Variants in FBXL4 observed in about 807,000 individuals in gnomAD.
FBXL4 encodes F-box/LRR-repeat protein 4.
In FBXL4, 40 loss-of-function variants were observed where a neutral mutation model predicts 58.9. That is an observed-to-expected ratio of 0.68 (90% CI 0.53 to 0.88). The LOEUF (loss-of-function observed/expected upper bound fraction) is 0.88. Ranked by LOEUF, FBXL4 falls within the 40% of genes least tolerant of loss-of-function variation. The probability of loss-of-function intolerance (pLI) is 0.00; values close to 1 mark genes in which losing one functional copy is unlikely to be tolerated. For synonymous variants in FBXL4, 263 were observed against 265.5 expected (o/e 0.99, Z 0.09); for missense variants, 676 against 734.4 (o/e 0.92, Z 0.92).
chr6:98,935,040 C>T (rs1773155321), intron 1 of FBXL4, among the ~76,000 whole-genome samples, 161 bp from the exon 2 acceptor site: 1 of 152,148 alleles, frequency 6.6e-6, no homozygotes, highest in Non-Finnish European at 1.5e-5. Context: ...AGGGCAGGAA[C>T]TAAGCAAGAG....
intron 6 of FBXL4, among the ~76,000 whole-genome samples, chr6:98,904,882 G>A (rs896661837): frequency 6.6e-6 from 1 of 152,156 alleles, no homozygotes; most frequent in East Asian, 1.9e-4. Flanking sequence ...GAAACTAAAT[G>A]CTTAAATAGA....
intron 4 of FBXL4, among the ~76,000 whole-genome samples, chr6:98,925,356 T>C (rs1562244486): frequency 6.6e-6 from 1 of 152,056 alleles, no homozygotes; most frequent in African/African-American, 2.4e-5. Context: ...ATATGAAAAT[T>C]ACAACTGTTA....
intron 2 of FBXL4, among the ~76,000 whole-genome samples, chr6:98,932,454 G>A (rs1349806130): frequency 3.3e-5 from 5 of 152,098 alleles, no homozygotes; most frequent in East Asian, 1.9e-4. Flanking sequence ...AATGCTTAAC[G>A]AAGTTAAATA....
intron 7 of FBXL4, chr6:98,898,309 A>G (rs894686108): frequency 2.0e-6 from 2 of 985,294 alleles, no homozygotes; most frequent in Admixed American, 6.2e-5. Flanking sequence ...TATATGACAA[A>G]CAGTATGTAC....
At chr6:98,942,563 T>A (rs1042221414) in intron 1 of FBXL4, among the ~76,000 whole-genome samples, 4 of 152,108 alleles carry the variant, frequency 2.6e-5, no homozygotes, top group African/African-American at 9.7e-5. Context: ...GCTCCTGCCA[T>A]GTAAGACCCT....
chr6:98,875,370 C>A, intron 9 of FBXL4, 45 bp downstream of exon 9: 1 of 1,588,114 alleles, frequency 6.3e-7, no homozygotes, highest in Non-Finnish European at 8.6e-7. Flanking sequence ...GCTTTTCTGT[C>A]AAGGAAACAG....
At chr6:98,881,546 G>A (rs1412216313) in intron 7 of FBXL4, among the ~76,000 whole-genome samples, 1 of 151,914 alleles carries the variant, frequency 6.6e-6, no homozygotes, top group Non-Finnish European at 1.5e-5. Context: ...ATCAGTTGAG[G>A]GAAAGGTGAA....
intron 7 of FBXL4, among the ~76,000 whole-genome samples, chr6:98,884,520 C>T (rs1770965238): frequency 6.6e-6 from 1 of 152,120 alleles, no homozygotes; most frequent in African/African-American, 2.4e-5. Flanking sequence ...ACTCTGAAAA[C>T]ATTACTCCAT....
chr6:98,929,361 C>T (rs1417604463), intron 2 of FBXL4, among the ~76,000 whole-genome samples: 1 of 151,974 alleles, frequency 6.6e-6, no homozygotes, highest in Admixed American at 6.6e-5. Flanking sequence ...CACCTGAGGT[C>T]AGGAGTTTGA....
chr6:98,904,727 T>G (rs192487460), intron 6 of FBXL4, among the ~76,000 whole-genome samples: 1 of 152,174 alleles, frequency 6.6e-6, no homozygotes, highest in South Asian at 2.1e-4. Flanking sequence ...TGGGATTATA[T>G]GTAACATACA....
rs1449678045 is a variant in FBXL4 at position 98,880,602 on chromosome 6, A to G, written c.1340T>C (p.Leu447Ser). 6.2e-7 allele frequency: 1 copy of G among 1,613,862 alleles called. No individual in the cohort carries two copies. The highest frequency in any genetic ancestry group is 2.2e-5 in the East Asian group (1 of 44,874). Residue 447 changes from leucine (L) to serine (S), a missense_variant, in exon 8 of 10, where the codon TTG becomes TCG. Transcript: ENST00000369244. ...KVEQTALLSI[L>S]NFCSELQHLS... ...GTGCTGAAGCTCTGAACAGAAGTTC[A>G]AAATGCTGAGCAGTGCTGTTTGCTG...
At chr6:98,891,350 A>G (rs1475182185) in intron 7 of FBXL4, among the ~76,000 whole-genome samples, 1 of 152,216 alleles carries the variant, frequency 6.6e-6, no homozygotes, top group African/African-American at 2.4e-5. Context: ...GCTCTAACAT[A>G]CAAGTTTCAG....
rs1402311042 is a variant in FBXL4, at chr6:98,874,249, A to G, written c.*29T>C. ...CCAAAATTAAACCCCAACAAAGCAC[A>G]TTAATTTTAATACAGAACATATATT... On this transcript the variant is annotated 3_prime_UTR_variant, in exon 10 of 10. Coordinates refer to ENST00000369244, the MANE Select transcript of FBXL4 (RefSeq NM_001278716.2). 1 of 1,492,742 alleles carries G rather than the reference A, an allele frequency of 6.7e-7. No homozygotes were observed. 92.5% of individuals were successfully genotyped at this position (1,492,742 alleles called of 1,614,324 possible). A position where few individuals can be genotyped will look rare whatever the true frequency, so the allele number is the denominator to read the frequency against.
At chr6:98,922,403 C>A (rs1278849591) in intron 4 of FBXL4, among the ~76,000 whole-genome samples, 3 of 152,160 alleles carry the variant, frequency 2.0e-5, no homozygotes, top group African/African-American at 7.2e-5. Context: ...CAATTTCCTG[C>A]AAATTCCTGA....
intron 1 of FBXL4, among the ~76,000 whole-genome samples, chr6:98,938,913 C>T (rs1773323715): frequency 6.6e-6 from 1 of 151,398 alleles, no homozygotes; most frequent in Non-Finnish European, 1.5e-5. Flanking sequence ...GGAGACCCTG[C>T]CTCTACAAAA....
chr6:98,947,636 C>G (rs1044044903), intron 1 of FBXL4, among the ~76,000 whole-genome samples, 170 bp downstream of exon 1: 4 of 152,072 alleles, frequency 2.6e-5, no homozygotes, highest in African/African-American at 9.7e-5. Flanking sequence ...GAAGCGGAGG[C>G]GCGGGGGCGC....
chr6:98,896,691 T>C, intron 7 of FBXL4: 1 of 761,740 alleles, frequency 1.3e-6, no homozygotes, highest in Non-Finnish European at 1.6e-6. Flanking sequence ...TATGATATTT[T>C]ACCAGATGAG....
intron 5 of FBXL4, among the ~76,000 whole-genome samples, chr6:98,915,521 C>T (rs1309726301): frequency 1.3e-5 from 2 of 151,246 alleles, no homozygotes; most frequent in South Asian, 4.2e-4. Context: ...CGCCACATAT[C>T]TACAACTATC....
rs1770447146 is a variant in FBXL4, at chr6:98,869,789, A to G, written c.*4489T>C. The stretch of plus-strand genomic sequence containing the variant: ...ATGCCAAAAATAAAAATACTGCCAC[A>G]GAGAAATTAGTTTTTCTCTGCTACA... On this transcript the variant is annotated 3_prime_UTR_variant, in exon 10 of 10. Transcript: ENST00000369244. 2 of 152,222 alleles carry G rather than the reference A, an allele frequency of 1.3e-5. No individual in the cohort carries two copies. Among genetic ancestry groups the G allele is most frequent in the African/African-American group, 4.8e-5 (2 of 41,464 alleles). 9.4% of individuals were successfully genotyped at this position (152,222 alleles called of 1,614,324 possible).
Sources: allele counts gnomAD v4.1 joint callset (sites outside exome capture counted in the v4.1 genomes callset), GRCh38; gene constraint gnomAD v4.1.1; transcripts MANE v1.5; gene names NCBI Gene and HGNC (gene_info 2026-07-23, HGNC 2026-07-21).